Variants in KCNN3 observed in about 807,000 individuals in gnomAD.
The protein encoded by KCNN3 is potassium calcium-activated channel subfamily N member 3.
KCNN3 carries 16 observed loss-of-function variants against 62.9 expected under a neutral mutation model. That is an observed-to-expected ratio of 0.25 (90% CI 0.17 to 0.39). The LOEUF (loss-of-function observed/expected upper bound fraction) is 0.39. Among genes scored for constraint, KCNN3 ranks in the 10% least tolerant of loss-of-function variants. The pLI is 1.00. For synonymous variants in KCNN3, 370 were observed against 389.2 expected, an observed-to-expected ratio of 0.95 and a Z score of 0.58; for missense variants, 599 against 949.4, an observed-to-expected ratio of 0.63 and a Z score of 4.85.
In KCNN3 at chr1:154,699,579, C is replaced by A. The variant is rs534004979; in HGVS notation, c.*8397G>T. The A allele has an allele frequency of 7.2e-5, 11 of 152,244 alleles. No homozygotes were observed. The East Asian group carries it at 1.9e-3, about 27-fold the overall frequency. 9.4% of individuals were successfully genotyped at this position (152,244 alleles called of 1,614,324 possible). On this transcript the variant is annotated 3_prime_UTR_variant, in exon 8 of 8. Coordinates refer to ENST00000271915, the MANE Select transcript of KCNN3 (RefSeq NM_002249.6). ...TTTCTGGGTACATATCGAGTTATGG[C>A]GCCAATATCAGAATTCACGTCTTTC...
intron 2 of KCNN3, among the ~76,000 whole-genome samples, chr1:154,812,485 C>G (rs1650453512): frequency 6.6e-6 from 1 of 151,854 alleles, no homozygotes; most frequent in Non-Finnish European, 1.5e-5. Context: ...TTCAATCCCA[C>G]CTGTGAGTGA....
intron 4 of KCNN3, among the ~76,000 whole-genome samples, chr1:154,727,503 T>C (rs1700496188): frequency 6.6e-6 from 1 of 152,230 alleles, no homozygotes; most frequent in South Asian, 2.1e-4. Context: ...GAAGTTTCAA[T>C]GTGGTTGAAG....
intron 1 of KCNN3, among the ~76,000 whole-genome samples, chr1:154,850,197 C>T (rs1652248186): frequency 1.3e-5 from 2 of 152,218 alleles, no homozygotes; most frequent in Admixed American, 6.5e-5. Flanking sequence ...GTCAAGTCAC[C>T]GGCCTAAGCT....
chr1:154,802,317 G>A (rs1046675415), intron 2 of KCNN3, among the ~76,000 whole-genome samples: 1 of 152,184 alleles, frequency 6.6e-6, no homozygotes, highest in Non-Finnish European at 1.5e-5. Flanking sequence ...TATGAGCAAG[G>A]CACCAAACCT....
chr1:154,759,201 G>A (rs1647886031), intron 3 of KCNN3, among the ~76,000 whole-genome samples: 1 of 152,206 alleles, frequency 6.6e-6, no homozygotes, highest in Admixed American at 6.5e-5. Context: ...GGGGCCCCAA[G>A]CTGGCAGTGG....
Position 154,719,095 on chromosome 1 carries a change from A to T in KCNN3, c.1702-4092T>A, listed in dbSNP as rs565554987. Reference sequence around the variant, plus strand: ...TTGCGGCAAGAATGCTTGGGGCAGGAGTACAAGGGGGATGAAAGGAGCACC... The same window carrying T: ...TTGCGGCAAGAATGCTTGGGGCAGGTGTACAAGGGGGATGAAAGGAGCACC... On this transcript the variant is annotated intron_variant, in intron 5 of 7. Transcript: ENST00000271915. Among the ~76,000 whole-genome samples the T allele has an allele frequency of 4.6e-5, 7 of 152,242 alleles. 1 individual carries two copies. In the South Asian group the frequency reaches 1.5e-3, roughly 32 times the overall value.
intron 1 of KCNN3, among the ~76,000 whole-genome samples, chr1:154,854,093 G>A (rs572025250): frequency 5.9e-5 from 9 of 151,956 alleles, no homozygotes; most frequent in Non-Finnish European, 1.3e-4. Context: ...AAATTAGCCA[G>A]GTGTTGTGGC....
intron 7 of KCNN3, among the ~76,000 whole-genome samples, chr1:154,709,751 CT>C (rs1310840281): frequency 6.6e-6 from 1 of 152,168 alleles, no homozygotes; most frequent in East Asian, 1.9e-4. Context: ...AGTGAAAGTA[CT>C]CCCTTTATTA....
intron 3 of KCNN3, among the ~76,000 whole-genome samples, chr1:154,755,200 G>A (rs1484720654): frequency 6.6e-6 from 1 of 152,126 alleles, no homozygotes; most frequent in Non-Finnish European, 1.5e-5. Flanking sequence ...ACCAGGCATG[G>A]TGGCTCACAC....
chr1:154,767,750 T>G (rs1648361444), intron 3 of KCNN3, among the ~76,000 whole-genome samples: 2 of 152,210 alleles, frequency 1.3e-5, no homozygotes, highest in Non-Finnish European at 2.9e-5. Flanking sequence ...ACCCATGATG[T>G]AATGCCTCTC....
chr1:154,720,833 G>A (rs1700330144), intron 5 of KCNN3, among the ~76,000 whole-genome samples: 1 of 152,218 alleles, frequency 6.6e-6, no homozygotes, highest in Non-Finnish European at 1.5e-5. Flanking sequence ...GACAGAAGAT[G>A]GCGGCTTCAA....
intron 1 of KCNN3, among the ~76,000 whole-genome samples, chr1:154,847,145 T>A (rs981091977): frequency 3.3e-5 from 5 of 151,516 alleles, no homozygotes; most frequent in Non-Finnish European, 7.4e-5. Flanking sequence ...CCAGGGCCCC[T>A]GTGTGCCAGG....
intron 4 of KCNN3, among the ~76,000 whole-genome samples, chr1:154,732,499 G>A (rs756552844): frequency 4.0e-4 from 61 of 152,220 alleles, no homozygotes; most frequent in Non-Finnish European, 8.8e-5. Flanking sequence ...CCAGGGCCAT[G>A]TGGACAGCCC....
In KCNN3 at chr1:154,787,805, C is replaced by G. The variant is rs141649213; in HGVS notation, c.1030-15412G>C. 8.9e-3 allele frequency among the ~76,000 whole-genome samples: 1,362 copies of G among 152,330 alleles called. 7 individuals are homozygous for G. Among genetic ancestry groups the G allele is most frequent in the South Asian group, 0.037 (178 of 4,820 alleles). On this transcript the variant is annotated intron_variant, in intron 2 of 7. Coordinates refer to ENST00000271915, the MANE Select transcript of KCNN3 (RefSeq NM_002249.6). ...GTTTGGATATCCAGACGCCCAGAGT[C>G]CCCTGTCCAAAAAGGCCCCAGGCCT...
Position 154,870,259 on chromosome 1 carries a change from G to T in KCNN3, c.-295C>A. ...CTAGGAGCGTGTGAGGCCAGGCTCA[G>T]CTTCACTCCTCGCTGGCTCAATAGC... On this transcript the variant is annotated 5_prime_UTR_variant, in exon 1 of 8. It adds an upstream start codon to the 5' untranslated region. Transcript: ENST00000271915. 1.7e-6 allele frequency: 1 copy of T among 584,594 alleles called. No homozygotes were observed. The highest frequency in any genetic ancestry group is 3.2e-6 in the Non-Finnish European group (1 of 312,624). 36.2% of individuals were successfully genotyped at this position (584,594 alleles called of 1,614,324 possible). A position where few individuals can be genotyped will look rare whatever the true frequency, so the allele number is the denominator to read the frequency against.
In KCNN3 at chr1:154,825,282, G is replaced by A. The variant is rs184582521; in HGVS notation, c.934-3098C>T. Among the ~76,000 whole-genome samples, 37 of 152,132 alleles carry A rather than the reference G, an allele frequency of 2.4e-4. 1 individual carries two copies. The Middle Eastern group carries it at 0.01, about 42-fold the overall frequency. ...GTCAACTGGTCAACCCTTCTGCCCCGTGACTCAGAACTTTTCAACACAGAG... is the reference window on the plus strand; with the variant it reads ...GTCAACTGGTCAACCCTTCTGCCCCATGACTCAGAACTTTTCAACACAGAG... On this transcript the variant is annotated intron_variant, in intron 1 of 7. Coordinates refer to ENST00000271915, the MANE Select transcript of KCNN3 (RefSeq NM_002249.6).
At chr1:154,849,360 T>A (rs892883987) in intron 1 of KCNN3, among the ~76,000 whole-genome samples, 2 of 151,808 alleles carry the variant, frequency 1.3e-5, no homozygotes, top group African/African-American at 4.8e-5. Context: ...CCAATGGGGG[T>A]TCCTGGGCAA....
At chr1:154,838,141 G>A (rs1050408211) in intron 1 of KCNN3, among the ~76,000 whole-genome samples, 2 of 152,146 alleles carry the variant, frequency 1.3e-5, no homozygotes, top group Non-Finnish European at 2.9e-5. Context: ...AGAGAGTGTG[G>A]GGGCCAAACA....
At chr1:154,866,823 C>A (rs1203739293) in intron 1 of KCNN3, among the ~76,000 whole-genome samples, 1 of 152,182 alleles carries the variant, frequency 6.6e-6, no homozygotes, top group Non-Finnish European at 1.5e-5. Context: ...AGGTGGCCTC[C>A]CCTTTCATTC....
Sources: allele counts gnomAD v4.1 joint callset (sites outside exome capture counted in the v4.1 genomes callset), GRCh38; gene constraint gnomAD v4.1.1; transcripts MANE v1.5; gene names NCBI Gene and HGNC (gene_info 2026-07-23, HGNC 2026-07-21).